ZNF761: variants seen among roughly 807,000 people sequenced by gnomAD.
ZNF761 encodes the protein zinc finger protein 761.
Under a neutral mutation model 59.9 loss-of-function variants are expected in ZNF761, and 43 were observed. The ratio of observed to expected loss-of-function variants is 0.72; its 90% CI spans 0.56 to 0.92. The LOEUF (loss-of-function observed/expected upper bound fraction) is 0.92, where lower values mean the gene tolerates loss of function less well. Among genes scored for constraint, ZNF761 ranks in the 40% least tolerant of loss-of-function variants. The pLI, the probability that ZNF761 is intolerant of heterozygous loss-of-function variation, is 0.00. For missense variants in ZNF761, 850 were observed against 906.1 expected (o/e 0.94, Z 0.79); for synonymous variants, 294 against 304.8 (o/e 0.96, Z 0.37).
chr19:53,457,211 C>T lies in ZNF761; in HGVS notation c.*463C>T, dbSNP rs2086280384. On this transcript the variant is annotated 3_prime_UTR_variant, in exon 5 of 5. Coordinates refer to ENST00000684525, the MANE Select transcript of ZNF761 (RefSeq NM_001289951.2). ...GTAATGCTACAACCATTGTGAATCA[C>T]TGGAGAATCCATAAGGAAGAGAGAT... 2.0e-6 allele frequency: 1 copy of T among 489,464 alleles called. No individual in the cohort carries two copies. 30.3% of individuals were successfully genotyped at this position (489,464 alleles called of 1,614,324 possible). A position where few individuals can be genotyped will look rare whatever the true frequency, so the allele number is the denominator to read the frequency against.
chr19:53,454,130 C>T (rs2086243426), intron 4 of ZNF761, among the ~76,000 whole-genome samples: 1 of 152,054 alleles, frequency 6.6e-6, no homozygotes, highest in African/African-American at 2.4e-5. Flanking sequence ...GGCCACCACG[C>T]CTGGCTACAT....
chr19:53,453,736 C>G (rs1190014013), intron 4 of ZNF761, among the ~76,000 whole-genome samples: 1 of 152,022 alleles, frequency 6.6e-6, no homozygotes, highest in Non-Finnish European at 1.5e-5. Context: ...ATTAGCCAAG[C>G]ATGGTGGTGT....
intron 4 of ZNF761, among the ~76,000 whole-genome samples, chr19:53,450,853 G>A (rs1376041657): frequency 2.6e-5 from 4 of 151,970 alleles, no homozygotes; most frequent in South Asian, 2.1e-4. Context: ...AAAATTAGCC[G>A]GACACTGTGA....
At position 53,446,298 on chromosome 19, in the gene ZNF761, G is replaced by A. The variant is rs1161390142; in HGVS notation, c.-113G>A. On this transcript the variant is annotated 5_prime_UTR_variant, in exon 2 of 5. Transcript: ENST00000684525. ...CAACCTCTGTTTCCTGGGTTCAAGT[G>A]ATTCTTGTGCCTCAGCATCCCACGT... is the stretch of plus-strand genomic sequence containing the variant. The A allele has an allele frequency of 6.6e-6, 1 of 152,102 alleles. No individual in the cohort carries two copies. The highest frequency in any genetic ancestry group is 1.9e-4 in the East Asian group (1 of 5,186). The allele number at this position is 152,102 out of a possible 1,614,324, so 9.4% of individuals were successfully genotyped here.
intron 1 of ZNF761, chr19:53,444,795 G>T (rs2086137944): frequency 6.6e-6 from 1 of 152,134 alleles, no homozygotes. Context: ...TTGTAATTTG[G>T]CAGGGCAGCC....
At chr19:53,445,957 C>T (rs1600091208) in intron 1 of ZNF761, among the ~76,000 whole-genome samples, 2 of 152,328 alleles carry the variant, frequency 1.3e-5, no homozygotes, top group South Asian at 2.1e-4. Flanking sequence ...CATCTCATGA[C>T]TCCCTCTGCC....
Position 53,455,707 on chromosome 19 carries a change from T to C in ZNF761, c.1200T>C (p.His400=). The C allele has an allele frequency of 6.2e-7, 1 of 1,613,902 alleles. No individual in the cohort carries two copies. The highest frequency in any genetic ancestry group is 8.5e-7 in the Non-Finnish European group (1 of 1,179,996). ...GTCACAAGTCATCCCTTACATGCCA[T>C]CGTAGACTTCATACTGGAGAGAAAC... ...TFSHKSSLTC[H]RRLHTGEKPY... The change falls in exon 5 of 5, where the codon CAT becomes CAC. Residue 400 remains histidine, a synonymous_variant. Transcript: ENST00000684525.
chr19:53,435,985 G>A (rs948662366), intron 1 of ZNF761, among the ~76,000 whole-genome samples: 2 of 152,076 alleles, frequency 1.3e-5, no homozygotes, highest in Non-Finnish European at 2.9e-5. Flanking sequence ...TGGGCTTGTC[G>A]TCCCCTCCAG....
At chr19:53,452,059 C>A (rs2086226632) in intron 4 of ZNF761, among the ~76,000 whole-genome samples, 1 of 152,166 alleles carries the variant, frequency 6.6e-6, no homozygotes, top group South Asian at 2.1e-4. Flanking sequence ...TCAGAAATAG[C>A]TTAGACTGGC....
intron 1 of ZNF761, among the ~76,000 whole-genome samples, chr19:53,434,624 G>C (rs78222323): frequency 6.6e-6 from 1 of 152,162 alleles, no homozygotes; most frequent in African/African-American, 2.4e-5. Context: ...AATTCTTCCA[G>C]TGAGTCTGTA....
At chr19:53,435,688 C>CAGGT (rs1383311420) in intron 1 of ZNF761, among the ~76,000 whole-genome samples, 30 of 152,012 alleles carry the variant, frequency 2.0e-4, no homozygotes, top group African/African-American at 4.6e-4. Context: ...GTTCCCTGAC[C>CAGGT]AGGTAGTATG....
chr19:53,440,705 G>GC (rs2086089761), intron 1 of ZNF761, among the ~76,000 whole-genome samples: 4 of 34,740 alleles, frequency 1.2e-4, no homozygotes, highest in Non-Finnish European at 2.9e-4. Flanking sequence ...TTTGAGACAG[G>GC]GCTGGCTCTA....
Position 53,456,248 on chromosome 19 carries a change from GA to G in ZNF761, c.1743del (p.Asp582IlefsTer64). The G allele has an allele frequency of 6.2e-7, 1 of 1,613,578 alleles. No homozygotes were observed. On this transcript the variant is annotated frameshift_variant, in exon 5 of 5. Transcript: ENST00000684525. LOFTEE classifies it high-confidence loss of function. ...LHSGENPYKC[E>X]DSDKAYSFKS... ...TAGTGGAGAGAACCCTTACAAATGT[GA>G]AGATAGTGACAAAGCTTACAGTTTC...
In ZNF761 at chr19:53,432,348, T is replaced by C. The variant is rs529883489; in HGVS notation, c.-185+320T>C. 1.4e-4 allele frequency among the ~76,000 whole-genome samples: 22 copies of C among 152,278 alleles called. No individual in the cohort carries two copies. The East Asian group carries it at 4.3e-3, about 29-fold the overall frequency. Reference sequence around the variant, plus strand: ...CTCACCTGAGAGGTGGATTCTCGCCTTTGTCGGCCCCTGGAGCCCAGCGCC... The same window carrying C: ...CTCACCTGAGAGGTGGATTCTCGCCCTTGTCGGCCCCTGGAGCCCAGCGCC... On this transcript the variant is annotated intron_variant, in intron 1 of 4. Transcript: ENST00000684525.
chr19:53,434,050 G>A (rs370772500), intron 1 of ZNF761, among the ~76,000 whole-genome samples: 123 of 152,230 alleles, frequency 8.1e-4, no homozygotes, highest in African/African-American at 2.5e-3. Flanking sequence ...GGCATTTCTC[G>A]TTTTTGTGGC....
Position 53,444,321 on chromosome 19 carries a change from T to G in ZNF761, c.-184-1906T>G, listed in dbSNP as rs1157572850. The G allele has an allele frequency of 6.6e-5, 10 of 152,344 alleles. No individual in the cohort carries two copies. The East Asian group carries it at 1.9e-3, about 29-fold the overall frequency. 9.4% of individuals were successfully genotyped at this position (152,344 alleles called of 1,614,324 possible). A position where few individuals can be genotyped will look rare whatever the true frequency, so the allele number is the denominator to read the frequency against. ...CTCGCTGTAAAACCTGATTGTACAT[T>G]CTATTTACTGAGATAGGAGAAAACC... On this transcript the variant is annotated intron_variant, in intron 1 of 4. Transcript: ENST00000684525.
chr19:53,447,102 T>G (rs545578797), intron 2 of ZNF761, 94 bp from the exon 3 acceptor site: 1 of 760,964 alleles, frequency 1.3e-6, no homozygotes. Context: ...GGGACCATAT[T>G]TCCCAGGGTG....
intron 2 of ZNF761, among the ~76,000 whole-genome samples, chr19:53,446,751 T>C (rs75175032): frequency 0.059 from 9,001 of 152,212 alleles, 390 homozygotes; most frequent in African/African-American, 0.12. Context: ...CCAAGTGATC[T>C]TCACACCTCA....
At chr19:53,435,644 A>G (rs2086033764) in intron 1 of ZNF761, among the ~76,000 whole-genome samples, 1 of 151,878 alleles carries the variant, frequency 6.6e-6, no homozygotes, top group Non-Finnish European at 1.5e-5. Flanking sequence ...GTACACTCAT[A>G]ATAAGTATGG....
Sources: allele counts gnomAD v4.1 joint callset (sites outside exome capture counted in the v4.1 genomes callset), GRCh38; gene constraint gnomAD v4.1.1; transcripts MANE v1.5; gene names NCBI Gene and HGNC (gene_info 2026-07-23, HGNC 2026-07-21).